The following PPFIA4 variants were observed in gnomAD, a reference collection of about 807,000 sequenced individuals.
PPFIA4 encodes PPFI scaffold protein A4.
In PPFIA4, 98 loss-of-function variants were observed where a neutral mutation model predicts 145.7. The ratio of observed to expected loss-of-function variants is 0.67; its 90% CI spans 0.57 to 0.80. PPFIA4 has a LOEUF of 0.80. Among genes scored for constraint, PPFIA4 ranks in the 30% least tolerant of loss-of-function variants. PPFIA4 has a pLI of 0.00. For synonymous variants in PPFIA4, 628 were observed against 649.6 expected (o/e 0.97, Z 0.51); for missense variants, 1,457 against 1,632.7 (o/e 0.89, Z 1.85).
At chr1:203,039,497 C>G (rs12124118) in intron 2 of PPFIA4, among the ~76,000 whole-genome samples, 10,178 of 152,236 alleles carry the variant, frequency 0.067, 484 homozygotes, top group East Asian at 0.25. Context: ...TGAGCTCAGG[C>G]GGCCAGTAGG....
intron 13 of PPFIA4, among the ~76,000 whole-genome samples, chr1:203,050,879 C>CT (rs55718337): frequency 0.13 from 18,550 of 144,232 alleles, 1,415 homozygotes; most frequent in African/African-American, 0.23. Context: ...CACTGCTTGG[C>CT]TTTTTTTTTT....
intron 1 of PPFIA4, among the ~76,000 whole-genome samples, chr1:203,032,426 C>CTTTTTTTTT (rs67178955): frequency 1.2e-4 from 7 of 59,494 alleles, no homozygotes; most frequent in East Asian, 5.6e-4. Flanking sequence ...CCCTTCCCCG[C>CTTTTTTTTT]TTTTTTGTTG....
At position 203,056,885 on chromosome 1, in the gene PPFIA4, G is replaced by A. The variant is rs778704069; in HGVS notation, c.2342G>A (p.Arg781His). Reference sequence around the variant, plus strand: ...AAGGGCATCAAGTCGTCCATTGGCCGCCTGTTTGGGAAGAAGGAGAAGGGC... The same window carrying A: ...AAGGGCATCAAGTCGTCCATTGGCCACCTGTTTGGGAAGAAGGAGAAGGGC... ...KRKGIKSSIG[R>H]LFGKKEKGRL... is the part of the protein sequence containing the mutation. The change falls in exon 19 of 30, where the codon CGC (arginine) becomes CAC (histidine). Residue 781 changes from arginine (R) to histidine (H), a missense_variant. Arg to His is a conservative substitution (Grantham distance 29, BLOSUM62 0). Transcript: ENST00000295706. 22 of 1,613,966 alleles carry A rather than the reference G, an allele frequency of 1.4e-5. No individual in the cohort carries two copies. The highest frequency in any genetic ancestry group is 1.6e-5 in the Non-Finnish European group (19 of 1,179,912).
chr1:203,052,253 C>T (rs906034801), intron 14 of PPFIA4, among the ~76,000 whole-genome samples: 11 of 152,134 alleles, frequency 7.2e-5, no homozygotes, highest in East Asian at 1.9e-4. Context: ...TGGTTCATGG[C>T]GGAGACGAGG....
Position 203,048,594 on chromosome 1 carries a change from G to A in PPFIA4, c.1236G>A (p.Arg412=), listed in dbSNP as rs559786913. ...AGACGGCTGTGCAGGTGCGCCAGCG[G>A]GAAAAGATGAATGAGGACCACAACA... is the stretch of plus-strand genomic sequence containing the variant. The part of the protein sequence containing the change: ...KNQELARVRQ[R]EKMNEDHNKR... Residue 412 remains arginine (R), a synonymous_variant, in exon 11 of 30, where the codon CGG becomes CGA. Coordinates refer to ENST00000295706, the MANE Select transcript of PPFIA4 (RefSeq NM_001304331.2). The surrounding 1 kb of genome is among the most constrained non-coding windows in gnomAD (Gnocchi z 5.8). The A allele has an allele frequency of 1.1e-5, 18 of 1,587,128 alleles. No homozygotes were observed. In the African/African-American group the frequency reaches 1.9e-4, roughly 17 times the overall value.
In PPFIA4 at chr1:203,055,434, T is replaced by C; in HGVS notation, c.1832T>C (p.Met611Thr). Reference sequence around the variant, plus strand: ...GTCTGGTTTTGCCTCCCTTCCAGGATGATTCAGGAAGAGAAGGAGTCCACG... The same window carrying C: ...GTCTGGTTTTGCCTCCCTTCCAGGACGATTCAGGAAGAGAAGGAGTCCACG... ...QLDAINEEIR[M>T]IQEEKESTEL... The change falls in exon 16 of 30, where the codon ATG (methionine) becomes ACG (threonine). Residue 611 changes from methionine (M) to threonine (T), a missense_variant and splice_region_variant. Transcript: ENST00000295706. The surrounding 1 kb of genome is among the most constrained non-coding windows in gnomAD (Gnocchi z 4.8). 1 of 1,613,700 alleles carries C rather than the reference T, an allele frequency of 6.2e-7. No individual in the cohort carries two copies. The highest frequency in any genetic ancestry group is 2.2e-5 in the East Asian group (1 of 44,878).
At chr1:203,032,257 C>T (rs1282423849) in intron 1 of PPFIA4, among the ~76,000 whole-genome samples, 1 of 152,132 alleles carries the variant, frequency 6.6e-6, no homozygotes, top group Non-Finnish European at 1.5e-5. Context: ...CACCTCTTCA[C>T]CCTCCTTTTG....
At chr1:203,054,139 C>A in intron 15 of PPFIA4, 178 bp downstream of exon 15, 1 of 755,552 alleles carries the variant, frequency 1.3e-6, no homozygotes, top group Non-Finnish European at 2.3e-6. Context: ...AGGAGCAGGG[C>A]CTCAGTGGAC....
intron 15 of PPFIA4, chr1:203,054,185 T>G: frequency 1.4e-6 from 1 of 697,860 alleles, no homozygotes; most frequent in Non-Finnish European, 2.6e-6. Flanking sequence ...GGGCTTGCGA[T>G]GTGGCTGGGC....
intron 28 of PPFIA4, among the ~76,000 whole-genome samples, chr1:203,073,035 A>G (rs10800898): frequency 0.42 from 64,014 of 151,718 alleles, 13,628 homozygotes; most frequent in Non-Finnish European, 0.44. Flanking sequence ...CCATATATCT[A>G]TTAGTGTGGT....
intron 2 of PPFIA4, among the ~76,000 whole-genome samples, chr1:203,040,240 C>T (rs1292046583): frequency 6.6e-6 from 1 of 152,168 alleles, no homozygotes; most frequent in East Asian, 1.9e-4. Flanking sequence ...GCCCTCTCTG[C>T]CCCTCGTATG....
At chr1:203,044,664 T>A in intron 5 of PPFIA4, 32 bp from the exon 6 acceptor site, 1 of 1,531,672 alleles carries the variant, frequency 6.5e-7, no homozygotes, top group Non-Finnish European at 8.8e-7. Context: ...CTCTTCTCTT[T>A]GACTCATTGC....
Position 203,075,462 on chromosome 1 carries a change from C to A in PPFIA4, c.3394-115C>A. Reference sequence around the variant, plus strand: ...GGGAAGTGACCTCGCTCCCTCTTTCCAAAGGGGTGGGAGTGGTGCCCCTTG... The same window carrying A: ...GGGAAGTGACCTCGCTCCCTCTTTCAAAAGGGGTGGGAGTGGTGCCCCTTG... On this transcript the variant is annotated intron_variant, in intron 28 of 29. Coordinates refer to ENST00000295706, the MANE Select transcript of PPFIA4 (RefSeq NM_001304331.2). This position sits in a 1 kb window ranked among gnomAD's most constrained non-coding sequence, Gnocchi z 4.1. The A allele has an allele frequency of 1.2e-6, 1 of 851,170 alleles. No homozygotes were observed. Among genetic ancestry groups the A allele is most frequent in the Non-Finnish European group, 1.6e-6 (1 of 631,634 alleles). 52.7% of individuals were successfully genotyped at this position (851,170 alleles called of 1,614,324 possible). A position where few individuals can be genotyped will look rare whatever the true frequency, so the allele number is the denominator to read the frequency against.
At chr1:203,046,072 C>A in intron 8 of PPFIA4, 85 bp downstream of exon 8, 2 of 1,584,706 alleles carry the variant, frequency 1.3e-6, no homozygotes, top group Non-Finnish European at 8.6e-7. Context: ...GGCTGAGGAG[C>A]CCCTGGGGTC....
rs1432669455 is a variant in PPFIA4, at chr1:203,051,827, C to A, written c.1570C>A (p.Pro524Thr). The A allele has an allele frequency of 1.9e-6, 3 of 1,613,858 alleles. No individual in the cohort carries two copies. Among genetic ancestry groups the A allele is most frequent in the South Asian group, 1.1e-5 (1 of 91,006 alleles). ...RFSLGTTTHA[P>T]PGVHRRYSAL... ...CTCCCTGGGCACAACCACACACGCA[C>A]CCCCAGGCGTGCATCGCCGCTACTC... Residue 524 changes from proline to threonine, a missense_variant, in exon 14 of 30, where the codon CCC becomes ACC. This residue lies in a region of PPFIA4 where 848 missense variants were observed against 1,046.7 expected (regional missense o/e 0.81). Transcript: ENST00000295706.
chr1:203,056,059 G>C, intron 16 of PPFIA4, 61 bp from the exon 17 acceptor site: 1 of 1,582,264 alleles, frequency 6.3e-7, no homozygotes, highest in Non-Finnish European at 8.7e-7. Context: ...GGGCTCCCCT[G>C]GGGTTGGCTC....
chr1:203,076,166 C>T, intron 29 of PPFIA4, 175 bp from the exon 30 acceptor site: 2 of 719,576 alleles, frequency 2.8e-6, no homozygotes, highest in Admixed American at 4.8e-5. Context: ...GGCCCTGCCG[C>T]TCCAGTCCCG....
Position 203,068,727 on chromosome 1 carries a change from G to A in PPFIA4, c.3324+99G>A. ...CACAAAGGCTTAGGTATCTTGGGGG[G>A]TGGGGAGCTTTTCTAGGGCCTATGC... On this transcript the variant is annotated intron_variant, in intron 27 of 29. Transcript: ENST00000295706. This position sits in a 1 kb window ranked among gnomAD's most constrained non-coding sequence, Gnocchi z 4.7. 1.2e-5 allele frequency: 15 copies of A among 1,274,214 alleles called. No individual in the cohort carries two copies. The highest frequency in any genetic ancestry group is 1.6e-5 in the African/African-American group (1 of 63,986). The allele number at this position is 1,274,214 out of a possible 1,614,324, so 78.9% of individuals were successfully genotyped here.
At position 203,042,277 on chromosome 1, in the gene PPFIA4, G is replaced by T. The variant is rs575501888; in HGVS notation, c.235-1120G>T. Reference sequence around the variant, plus strand: ...TGGGAGCAGTCTCTCACCCCTGTATGCTTGTCCTGATGGGGGAGGGTGGGC... The same window carrying T: ...TGGGAGCAGTCTCTCACCCCTGTATTCTTGTCCTGATGGGGGAGGGTGGGC... On this transcript the variant is annotated intron_variant, in intron 2 of 29. Transcript: ENST00000295706. 9.2e-5 allele frequency among the ~76,000 whole-genome samples: 14 copies of T among 152,318 alleles called. No homozygotes were observed. In the East Asian group the frequency reaches 2.7e-3, roughly 29 times the overall value.
Sources: allele counts gnomAD v4.1 joint callset (sites outside exome capture counted in the v4.1 genomes callset), GRCh38; gene constraint gnomAD v4.1.1; regional missense constraint gnomAD v4.1.1; non-coding constraint Gnocchi (gnomAD v3.1); transcripts MANE v1.5; gene names NCBI Gene and HGNC (gene_info 2026-07-23, HGNC 2026-07-21).